LTBP1: variants seen among roughly 807,000 people sequenced by gnomAD.
The protein encoded by LTBP1 is latent transforming growth factor beta binding protein 1.
A neutral mutation model predicts 207.6 loss-of-function variants in LTBP1; 129 were observed. That is an observed-to-expected ratio of 0.62 (90% confidence interval 0.54 to 0.72). LTBP1 has a LOEUF of 0.72. LTBP1 is among the 30% of genes least tolerant of loss of function. The pLI is 0.00. For synonymous variants in LTBP1, 963 were observed against 833.7 expected (o/e 1.16, Z -2.67); for missense variants, 2,281 against 2,217.2 (o/e 1.03, Z -0.58).
chr2:33,379,442 G>A (rs530093909), intron 31 of LTBP1, among the ~76,000 whole-genome samples: 45 of 151,952 alleles, frequency 3.0e-4, no homozygotes, highest in Non-Finnish European at 5.9e-4. Flanking sequence ...ATCTCCTGAC[G>A]TTGTGATCCA....
chr2:33,179,435 C>G (rs1376220716), intron 5 of LTBP1, among the ~76,000 whole-genome samples: 2 of 150,648 alleles, frequency 1.3e-5, no homozygotes, highest in Non-Finnish European at 2.9e-5. Context: ...CATCTGATGT[C>G]AAATAAATGC....
chr2:33,131,031 C>G (rs531321411), intron 4 of LTBP1, among the ~76,000 whole-genome samples: 1 of 152,204 alleles, frequency 6.6e-6, no homozygotes, highest in African/African-American at 2.4e-5. Flanking sequence ...TGGTCTTCTG[C>G]CTCTGGTTAG....
chr2:32,949,402 A>G (rs1676767803), intron 2 of LTBP1, among the ~76,000 whole-genome samples: 1 of 152,204 alleles, frequency 6.6e-6, no homozygotes, highest in Non-Finnish European at 1.5e-5. Flanking sequence ...TGAAAACAGC[A>G]ACCAGAATCC....
chr2:32,967,440 A>C (rs1466904999), intron 2 of LTBP1, among the ~76,000 whole-genome samples: 1 of 152,002 alleles, frequency 6.6e-6, no homozygotes, highest in Non-Finnish European at 1.5e-5. Flanking sequence ...CTTATTTTTA[A>C]ATATATGCAT....
chr2:33,320,251 T>C lies in LTBP1; in HGVS notation c.3730+4982T>C, dbSNP rs527733681. On this transcript the variant is annotated intron_variant, in intron 24 of 33. Transcript: ENST00000404816. ...GGTTGTGGCCGTGCACACCTGTAAT[T>C]CCAGCTACTCAGGAAGCTGATGCAC... Among the ~76,000 whole-genome samples the C allele has an allele frequency of 5.3e-5, 8 of 152,044 alleles. No homozygotes were observed. In the South Asian group the frequency reaches 1.0e-3, roughly 20 times the overall value.
At chr2:33,240,891 C>T (rs1246231140) in intron 9 of LTBP1, among the ~76,000 whole-genome samples, 1 of 152,034 alleles carries the variant, frequency 6.6e-6, no homozygotes, top group Non-Finnish European at 1.5e-5. Context: ...ACTTCGTGAT[C>T]TGCCCACCTC....
intron 9 of LTBP1, among the ~76,000 whole-genome samples, chr2:33,224,532 G>A (rs191241046): frequency 2.6e-5 from 4 of 152,232 alleles, no homozygotes; most frequent in East Asian, 1.9e-4. Context: ...TACGTATTTA[G>A]CGTAATTCAC....
chr2:33,175,473 A>G (rs2085935862), intron 5 of LTBP1, among the ~76,000 whole-genome samples: 1 of 152,146 alleles, frequency 6.6e-6, no homozygotes, highest in Admixed American at 6.5e-5. Context: ...CACACCAGTT[A>G]GAATGGCAAT....
At chr2:33,375,845 G>T (rs1298788905) in intron 31 of LTBP1, among the ~76,000 whole-genome samples, 1 of 151,588 alleles carries the variant, frequency 6.6e-6, no homozygotes, top group Non-Finnish European at 1.5e-5. Context: ...CCCGGCCTAT[G>T]TTGGGTTTTA....
At chr2:33,034,245 C>T (rs1453404087) in intron 3 of LTBP1, among the ~76,000 whole-genome samples, 1 of 147,964 alleles carries the variant, frequency 6.8e-6, no homozygotes, top group African/African-American at 2.5e-5. Flanking sequence ...AAAAAAAAGG[C>T]TAAAATGCAT....
intron 31 of LTBP1, among the ~76,000 whole-genome samples, chr2:33,370,730 A>C (rs1475870463): frequency 1.3e-5 from 2 of 152,182 alleles, no homozygotes; most frequent in African/African-American, 2.4e-5. Context: ...TCATCTAAGC[A>C]CTGGACTAAT....
At chr2:33,046,429 T>C (rs1277194058) in intron 3 of LTBP1, among the ~76,000 whole-genome samples, 1 of 152,206 alleles carries the variant, frequency 6.6e-6, no homozygotes, top group Non-Finnish European at 1.5e-5. Context: ...TTGATTTGCA[T>C]ATGTTGAACC....
intron 3 of LTBP1, among the ~76,000 whole-genome samples, chr2:33,101,662 A>C (rs1572640349): frequency 1.3e-5 from 2 of 152,236 alleles, no homozygotes; most frequent in East Asian, 3.9e-4. Context: ...AACTGTTTAC[A>C]TTTTGAATTT....
intron 9 of LTBP1, among the ~76,000 whole-genome samples, chr2:33,233,628 T>C (rs369027564): frequency 2.0e-5 from 3 of 152,122 alleles, no homozygotes; most frequent in Non-Finnish European, 4.4e-5. Context: ...TTTTTCTGTC[T>C]AGCAATTTTA....
At chr2:33,220,667 C>G (rs2091045474) in intron 8 of LTBP1, among the ~76,000 whole-genome samples, 1 of 152,210 alleles carries the variant, frequency 6.6e-6, no homozygotes, top group Non-Finnish European at 1.5e-5. Flanking sequence ...AAGTTCATAT[C>G]CATCTCTTTT....
chr2:33,212,242 C>T (rs1451359560), intron 7 of LTBP1, among the ~76,000 whole-genome samples: 1 of 152,148 alleles, frequency 6.6e-6, no homozygotes, highest in African/African-American at 2.4e-5. Flanking sequence ...ATGACCAGTG[C>T]ACTGCTGAAT....
chr2:32,963,800 T>C (rs1679521150), intron 2 of LTBP1, among the ~76,000 whole-genome samples: 1 of 152,102 alleles, frequency 6.6e-6, no homozygotes, highest in Admixed American at 6.6e-5. Flanking sequence ...GAACCCCTGG[T>C]AGTAGACCCC....
At chr2:33,010,838 GC>G (rs1258787512) in intron 2 of LTBP1, among the ~76,000 whole-genome samples, 4 of 150,646 alleles carry the variant, frequency 2.7e-5, no homozygotes, top group African/African-American at 9.8e-5. Flanking sequence ...TTCTGCCTCA[GC>G]CTCCCGAGTA....
chr2:32,969,389 C>T (rs981338302), intron 2 of LTBP1, among the ~76,000 whole-genome samples: 1 of 152,034 alleles, frequency 6.6e-6, no homozygotes, highest in Non-Finnish European at 1.5e-5. Flanking sequence ...GGAATAAGCA[C>T]AGTACCTAAT....
Sources: gnomAD v4.1 joint callset for allele counts (sites outside exome capture counted in the v4.1 genomes callset) on GRCh38, gnomAD v4.1.1 for gene constraint, MANE v1.5 for transcripts, NCBI Gene and HGNC (gene_info 2026-07-23, HGNC 2026-07-21) for gene names.